Variants in CD109 observed in about 807,000 individuals in gnomAD.
The protein encoded by CD109 is CD109 molecule.
A neutral mutation model predicts 165.8 loss-of-function variants in CD109; 149 were observed. That is an observed-to-expected ratio of 0.90 (90% CI 0.79 to 1.03). The LOEUF is 1.03. Ranked by LOEUF, CD109 falls within the 50% of genes least tolerant of loss-of-function variation. The pLI is 0.00. For synonymous variants in CD109, 585 were observed against 592.1 expected (o/e 0.99, Z 0.18); for missense variants, 1,712 against 1,677.8 (o/e 1.02, Z -0.36).
chr6:73,693,009 C>G (rs1328968420), upstream of CD109, among the ~76,000 whole-genome samples: 11 of 152,122 alleles, frequency 7.2e-5, no homozygotes, highest in Non-Finnish European at 2.9e-5. Context: ...ATATTTGTCT[C>G]TAGATGGTTA....
chr6:73,716,186 A>C (rs913455335), intron 2 of CD109, among the ~76,000 whole-genome samples: 1 of 152,180 alleles, frequency 6.6e-6, no homozygotes, highest in Non-Finnish European at 1.5e-5. Flanking sequence ...TTGTTGATGG[A>C]CACTTAGGTT....
chr6:73,756,553 T>G (rs1773398605), intron 5 of CD109, 90 bp from the exon 6 acceptor site: 1 of 832,504 alleles, frequency 1.2e-6, no homozygotes, highest in Non-Finnish European at 1.9e-6. Context: ...AAAATTAATT[T>G]TCTAAATTGT....
At position 73,732,054 on chromosome 6, in the gene CD109, C is replaced by T. The variant is rs529970556; in HGVS notation, c.507+1480C>T. Among the ~76,000 whole-genome samples, 15 of 152,238 alleles carry T rather than the reference C, an allele frequency of 9.9e-5. No individual in the cohort carries two copies. In the South Asian group the frequency reaches 2.5e-3, roughly 25 times the overall value. ...CTGGGCCTGGTTTTCTGTATTTAAACGGAGAAGAACACTGGACATTTGATC... is the reference window on the plus strand; with the variant it reads ...CTGGGCCTGGTTTTCTGTATTTAAATGGAGAAGAACACTGGACATTTGATC... On this transcript the variant is annotated intron_variant, in intron 4 of 32. Transcript: ENST00000287097.
intron 24 of CD109, among the ~76,000 whole-genome samples, chr6:73,804,559 G>C (rs1312786390): frequency 6.6e-6 from 1 of 152,144 alleles, no homozygotes; most frequent in African/African-American, 2.4e-5. Flanking sequence ...GTGGGGGCTG[G>C]GTTGGTGCAC....
the CD109 span, among the ~76,000 whole-genome samples, chr6:73,690,623 A>G: frequency 6.6e-6 from 1 of 151,040 alleles, no homozygotes; most frequent in Non-Finnish European, 1.5e-5. Context: ...CTGGTCTCAA[A>G]CTCCTGACCT....
chr6:73,723,642 C>T (rs200879893), intron 3 of CD109, among the ~76,000 whole-genome samples: 1 of 152,046 alleles, frequency 6.6e-6, no homozygotes, highest in Non-Finnish European at 1.5e-5. Flanking sequence ...AAAATAGGAA[C>T]AGAAAACTAA....
intron 2 of CD109, among the ~76,000 whole-genome samples, chr6:73,708,150 TC>T (rs988360760): frequency 2.3e-4 from 35 of 151,872 alleles, no homozygotes; most frequent in Non-Finnish European, 4.4e-4. Context: ...CCTTCCCCCT[TC>T]CCCCATCCCA....
intron 5 of CD109, among the ~76,000 whole-genome samples, chr6:73,754,421 T>G (rs946268141): frequency 5.5e-4 from 83 of 151,580 alleles, no homozygotes; most frequent in African/African-American, 1.9e-3. Flanking sequence ...AGAGACTGAG[T>G]GAGGGGAAGG....
intron 17 of CD109, among the ~76,000 whole-genome samples, 189 bp from the exon 18 acceptor site, chr6:73,782,425 T>C (rs997619630): frequency 2.6e-5 from 4 of 152,212 alleles, no homozygotes; most frequent in African/African-American, 9.7e-5. Context: ...CAGTAATACT[T>C]ACTGTATCCT....
intron 23 of CD109, among the ~76,000 whole-genome samples, chr6:73,799,956 A>G (rs1293066566): frequency 6.6e-6 from 1 of 151,110 alleles, no homozygotes; most frequent in African/African-American, 2.4e-5. Context: ...TACTGGGCTC[A>G]GGTGATTCTC....
chr6:73,728,284 T>C (rs571606978), intron 3 of CD109, among the ~76,000 whole-genome samples: 1 of 152,270 alleles, frequency 6.6e-6, no homozygotes, highest in East Asian at 1.9e-4. Flanking sequence ...CACTCCAGCC[T>C]GGGCAACAGA....
chr6:73,767,760 G>A (rs1356710512), intron 13 of CD109, among the ~76,000 whole-genome samples: 1 of 152,170 alleles, frequency 6.6e-6, no homozygotes, highest in African/African-American at 2.4e-5. Context: ...CCATGACCAT[G>A]TAATTTTGCT....
At chr6:73,791,072 T>C (rs1248350916) in intron 22 of CD109, among the ~76,000 whole-genome samples, 1 of 148,524 alleles carries the variant, frequency 6.7e-6, no homozygotes, top group East Asian at 2.0e-4. Flanking sequence ...GCTTTTTTAT[T>C]ATAACCCAAA....
intron 27 of CD109, 43 bp downstream of exon 27, chr6:73,810,217 T>TAA: frequency 1.7e-6 from 1 of 597,458 alleles, no homozygotes; most frequent in Non-Finnish European, 2.4e-6. Flanking sequence ...TAATATATAA[T>TAA]ATAGATTTAT....
intron 2 of CD109, among the ~76,000 whole-genome samples, chr6:73,711,396 G>A (rs1771531787): frequency 6.6e-6 from 1 of 151,974 alleles, no homozygotes; most frequent in Admixed American, 6.6e-5. Context: ...GGGACCAAAG[G>A]AGATTTTTTG....
chr6:73,721,373 T>C lies in CD109; in HGVS notation c.248-1878T>C, dbSNP rs1376870164. On this transcript the variant is annotated intron_variant, in intron 2 of 32. Coordinates refer to ENST00000287097, the MANE Select transcript of CD109 (RefSeq NM_133493.5). Reference sequence around the variant, plus strand: ...ATGTAGTAATTTTTATTTCTTTTTTTTTTTTTTTTGAGACAGTATCTCCCT... The same window carrying C: ...ATGTAGTAATTTTTATTTCTTTTTTCTTTTTTTTTGAGACAGTATCTCCCT... Among the ~76,000 whole-genome samples, 3 of 151,900 alleles carry C rather than the reference T, an allele frequency of 2.0e-5. No homozygotes were observed. In the East Asian group the frequency reaches 5.8e-4, roughly 29 times the overall value.
chr6:73,710,499 T>C (rs1771487712), intron 2 of CD109, among the ~76,000 whole-genome samples: 1 of 152,068 alleles, frequency 6.6e-6, no homozygotes, highest in Non-Finnish European at 1.5e-5. Context: ...ATCAATATCT[T>C]GAAAATGGCC....
intron 5 of CD109, among the ~76,000 whole-genome samples, chr6:73,742,178 C>A (rs1274690337): frequency 6.6e-6 from 1 of 150,790 alleles, no homozygotes; most frequent in East Asian, 1.9e-4. Context: ...ACTCTCCATT[C>A]CCTCCCACCC....
At chr6:73,691,531 A>G (rs1770693202), upstream of CD109, among the ~76,000 whole-genome samples, 1 of 152,216 alleles carries the variant, frequency 6.6e-6, no homozygotes, top group Non-Finnish European at 1.5e-5. Context: ...TTGTGGGCCA[A>G]ATGTACATGA....
Sources: gnomAD v4.1 joint callset for allele counts (sites outside exome capture counted in the v4.1 genomes callset) on GRCh38, gnomAD v4.1.1 for gene constraint, MANE v1.5 for transcripts, NCBI Gene and HGNC (gene_info 2026-07-23, HGNC 2026-07-21) for gene names.